Variants in FBXL20 observed in about 807,000 individuals in gnomAD.
The protein encoded by FBXL20 is F-box/LRR-repeat protein 20.
FBXL20 carries 11 observed loss-of-function variants against 64.0 expected under a neutral mutation model. The observed-to-expected ratio is 0.17, with a 90% CI of 0.11 to 0.28. The LOEUF is 0.28. Among genes scored for constraint, FBXL20 ranks in the 10% least tolerant of loss-of-function variants. The probability of loss-of-function intolerance (pLI) is 1.00; values close to 1 mark genes in which losing one functional copy is unlikely to be tolerated. For missense variants in FBXL20, 303 were observed against 526.2 expected (o/e 0.58, Z 4.15); for synonymous variants, 184 against 189.0 (o/e 0.97, Z 0.22).
chr17:39,391,840 T>C (rs1264937417), intron 1 of FBXL20, among the ~76,000 whole-genome samples: 2 of 145,108 alleles, frequency 1.4e-5, no homozygotes, highest in African/African-American at 5.1e-5. Flanking sequence ...CAACTACCTC[T>C]AAAAAGGAAA....
chr17:39,270,937 C>A, intron 10 of FBXL20, 81 bp from the exon 11 acceptor site: 1 of 1,110,386 alleles, frequency 9.0e-7, no homozygotes, highest in Non-Finnish European at 1.3e-6. Flanking sequence ...TAAGAATTTA[C>A]AAAAACAATC....
chr17:39,268,643 CCACAGTTCTGCAA>C (rs964032848), intron 12 of FBXL20, among the ~76,000 whole-genome samples, 171 bp downstream of exon 12: 1 of 152,118 alleles, frequency 6.6e-6, no homozygotes, highest in African/African-American at 2.4e-5. Context: ...GCATATATTT[CCACAGTTCTGCAA>C]CACATACCAT....
At chr17:39,317,914 G>A (rs1321292980) in intron 2 of FBXL20, among the ~76,000 whole-genome samples, 1 of 150,988 alleles carries the variant, frequency 6.6e-6, no homozygotes, top group African/African-American at 2.4e-5. Context: ...TGTTAGCCGG[G>A]ATGGTCTCGA....
chr17:39,380,971 C>T (rs1027186432), intron 1 of FBXL20, among the ~76,000 whole-genome samples: 1 of 151,688 alleles, frequency 6.6e-6, no homozygotes, highest in African/African-American at 2.4e-5. Flanking sequence ...AGCAGCCTGA[C>T]CAACATGGTG....
chr17:39,288,712 A>T (rs2047010585), intron 6 of FBXL20, among the ~76,000 whole-genome samples: 1 of 151,450 alleles, frequency 6.6e-6, no homozygotes, highest in Non-Finnish European at 1.5e-5. Context: ...TTAGACGCAT[A>T]ATTTTTTTTT....
upstream of FBXL20, chr17:39,401,809 C>A: frequency 2.7e-6 from 2 of 739,088 alleles, no homozygotes; most frequent in Non-Finnish European, 3.4e-6. Context: ...ACGGCGCTCC[C>A]GGGAGCAGCC....
chr17:39,295,839 A>T (rs1480998340), intron 6 of FBXL20, among the ~76,000 whole-genome samples: 1 of 148,856 alleles, frequency 6.7e-6, no homozygotes, highest in Non-Finnish European at 1.5e-5. Context: ...GGTGTATTAT[A>T]CAAACTCCTC....
chr17:39,310,084 C>T (rs2047218874), intron 2 of FBXL20, among the ~76,000 whole-genome samples: 1 of 149,636 alleles, frequency 6.7e-6, no homozygotes, highest in Non-Finnish European at 1.5e-5. Flanking sequence ...ATCAAGGAAA[C>T]AGAGGTTGCA....
Position 39,324,019 on chromosome 17 carries a change from C to A in FBXL20, c.104+19161G>T, listed in dbSNP as rs547028148. On this transcript the variant is annotated intron_variant, in intron 2 of 14. Coordinates refer to ENST00000264658, the MANE Select transcript of FBXL20 (RefSeq NM_032875.3). ...GACCTCGTGATCCAACCCCCTCCCC[C>A]CCCCACCCCCTGGCCTCCCAAAGTG... 9.3e-5 allele frequency among the ~76,000 whole-genome samples: 13 copies of A among 139,134 alleles called. 1 individual carries two copies. Among genetic ancestry groups the A allele is most frequent in the South Asian group, 2.4e-4 (1 of 4,148 alleles). The allele number at this position is 139,134 out of a possible 152,430, so 91.3% of individuals were successfully genotyped here. A position where few individuals can be genotyped will look rare whatever the true frequency, so the allele number is the denominator to read the frequency against.
chr17:39,296,780 T>C (rs1375646021), intron 6 of FBXL20, among the ~76,000 whole-genome samples: 1 of 152,138 alleles, frequency 6.6e-6, no homozygotes, highest in Non-Finnish European at 1.5e-5. Flanking sequence ...GTCCTCTGTT[T>C]AAGATTTTAA....
chr17:39,361,737 C>A (rs2047796619), intron 1 of FBXL20, among the ~76,000 whole-genome samples: 1 of 151,902 alleles, frequency 6.6e-6, no homozygotes, highest in African/African-American at 2.4e-5. Context: ...GCGGAGTTTG[C>A]AGTGAGCCGA....
intron 1 of FBXL20, among the ~76,000 whole-genome samples, chr17:39,366,846 C>CAAGCCTCTTG (rs1000899491): frequency 6.7e-6 from 1 of 150,208 alleles, no homozygotes; most frequent in African/African-American, 2.4e-5. Context: ...ATTTCATCAT[C>CAAGCCTCTTG]AAGCCTCTTG....
At chr17:39,278,432 G>A (rs935411367) in intron 9 of FBXL20, among the ~76,000 whole-genome samples, 1 of 150,960 alleles carries the variant, frequency 6.6e-6, no homozygotes, top group African/African-American at 2.4e-5. Flanking sequence ...AGGCACGCGC[G>A]TGTGTGCACA....
intron 10 of FBXL20, among the ~76,000 whole-genome samples, chr17:39,271,318 C>A (rs185109642): frequency 7.2e-5 from 11 of 152,260 alleles, no homozygotes; most frequent in Non-Finnish European, 1.5e-4. Context: ...ATGTGACAGG[C>A]CGGGCATGGT....
intron 9 of FBXL20, among the ~76,000 whole-genome samples, chr17:39,281,024 A>C (rs902448809): frequency 1.3e-5 from 2 of 152,200 alleles, no homozygotes; most frequent in African/African-American, 4.8e-5. Flanking sequence ...TCAGCCTCCC[A>C]AAGTGCTGGG....
chr17:39,315,365 GATT>G (rs935587064), intron 2 of FBXL20, among the ~76,000 whole-genome samples: 1 of 143,148 alleles, frequency 7.0e-6, no homozygotes, highest in Non-Finnish European at 1.5e-5. Context: ...CAGGAGGGAA[GATT>G]ATTAATGGGC....
upstream of FBXL20, chr17:39,402,186 C>A: frequency 8.1e-7 from 1 of 1,232,646 alleles, no homozygotes; most frequent in Non-Finnish European, 1.0e-6. Context: ...CGCCTTGAAC[C>A]CAAAGTGCAG....
chr17:39,272,412 T>A (rs923585447), intron 10 of FBXL20, among the ~76,000 whole-genome samples: 8 of 149,072 alleles, frequency 5.4e-5, no homozygotes, highest in Non-Finnish European at 1.2e-4. Flanking sequence ...ATTTTTTTTT[T>A]AATTCCAAGA....
intron 1 of FBXL20, among the ~76,000 whole-genome samples, chr17:39,397,298 C>T (rs767863554): frequency 1.3e-5 from 2 of 152,102 alleles, no homozygotes; most frequent in African/African-American, 4.8e-5. Context: ...CAGATTTATA[C>T]GAAAGGCAGT....
Sources: allele counts gnomAD v4.1 joint callset (sites outside exome capture counted in the v4.1 genomes callset), GRCh38; gene constraint gnomAD v4.1.1; transcripts MANE v1.5; gene names NCBI Gene and HGNC (gene_info 2026-07-23, HGNC 2026-07-21).